COX11: variants seen among roughly 807,000 people sequenced by gnomAD.
The protein encoded by COX11 is cytochrome c oxidase copper chaperone COX11.
Under a neutral mutation model 29.4 loss-of-function variants are expected in COX11, and 18 were observed. That is an observed-to-expected ratio of 0.61 (90% CI 0.42 to 0.91). COX11 has a LOEUF of 0.91. COX11 is among the 40% of genes least tolerant of loss of function. The probability of loss-of-function intolerance (pLI) is 0.00; values close to 1 mark genes in which losing one functional copy is unlikely to be tolerated. For synonymous variants in COX11, 131 were observed against 124.0 expected (o/e 1.06, Z -0.38); for missense variants, 312 against 346.0 (o/e 0.90, Z 0.78).
intron 2 of COX11, 110 bp from the exon 3 acceptor site, chr17:54,963,541 A>C: frequency 1.9e-6 from 2 of 1,055,676 alleles, no homozygotes; most frequent in Non-Finnish European, 2.7e-6. Flanking sequence ...ATAATACCTA[A>C]TCTAATGTAG....
chr17:54,963,929 T>C (rs2077175426), intron 2 of COX11, among the ~76,000 whole-genome samples: 1 of 152,122 alleles, frequency 6.6e-6, no homozygotes, highest in Admixed American at 6.5e-5. Context: ...TTAAAAAAAT[T>C]TTCCAAAGGA....
rs2077224927 is a variant in COX11, at chr17:54,966,834, CAGAAA to C, written c.366+1442_366+1446del. Among the ~76,000 whole-genome samples the C allele has an allele frequency of 3.3e-5, 5 of 152,208 alleles. No individual in the cohort carries two copies. The East Asian group carries it at 7.7e-4, about 24-fold the overall frequency. On this transcript the variant is annotated intron_variant, in intron 1 of 3. Coordinates refer to ENST00000299335, the MANE Select transcript of COX11 (RefSeq NM_004375.5). ...AAATGCTGGCATTAGGAGACTATGC[CAGAAA>C]AGAAAAGTCCTTTTGTCTTCTGCTT... is the stretch of plus-strand genomic sequence containing the variant.
At chr17:54,956,060 T>C (rs1194527436), downstream of COX11, among the ~76,000 whole-genome samples, 2 of 152,028 alleles carry the variant, frequency 1.3e-5, no homozygotes, top group Non-Finnish European at 2.9e-5. Context: ...CAACCCTGGG[T>C]CTCATCTGGG....
chr17:54,968,551 T>TA lies in COX11; in HGVS notation c.95dup (p.Glu33ArgfsTer5). On this transcript the variant is annotated frameshift_variant, in exon 1 of 4. Coordinates refer to ENST00000299335, the MANE Select transcript of COX11 (RefSeq NM_004375.5). LOFTEE classifies it high-confidence loss of function. ...TCCACTCTGGCCTAAGAAACGGCTC[T>TA]ACCCTCTCTGCAGCCCTGGTTGGAG... The TA allele has an allele frequency of 6.2e-7, 1 of 1,613,088 alleles. No homozygotes were observed. Among genetic ancestry groups the TA allele is most frequent in the Non-Finnish European group, 8.5e-7 (1 of 1,179,994 alleles).
At chr17:54,952,306 C>T (rs981826716) in exon 1 of COX11, 3 of 152,108 alleles carry the variant, frequency 2.0e-5, no homozygotes, top group African/African-American at 7.2e-5. Context: ...GTAATCCCAG[C>T]ACTTTGCGAG....
At chr17:54,955,284 TGAA>T (rs756317618), upstream of COX11, 2 of 152,220 alleles carry the variant, frequency 1.3e-5, no homozygotes. Flanking sequence ...ATGGAGACAA[TGAA>T]GTAGTTCTGG....
At position 54,964,760 on chromosome 17, in the gene COX11, G is replaced by C. The variant is rs2077188619; in HGVS notation, c.459C>G (p.Ser153Arg). The C allele has an allele frequency of 1.9e-6, 3 of 1,613,732 alleles. No individual in the cohort carries two copies. The highest frequency in any genetic ancestry group is 8.5e-7 in the Non-Finnish European group (1 of 1,179,708). Residue 153 changes from serine to arginine, a missense_variant, in exon 2 of 4, where the codon AGC becomes AGG. Physicochemically the swap from Ser to Arg is moderately radical, Grantham distance 110. Coordinates refer to ENST00000299335, the MANE Select transcript of COX11 (RefSeq NM_004375.5). ...VPVKDRIIKI[S>R]FNADVHASLQ... is the part of the protein sequence containing the mutation. Reference sequence around the variant, plus strand: ...GACTTGCATGCACATCTGCATTAAAGCTAATTTTAATGATTCGATCTTTAA... The same window carrying C: ...GACTTGCATGCACATCTGCATTAAACCTAATTTTAATGATTCGATCTTTAA...
At chr17:54,966,497 G>A (rs145636261) in intron 1 of COX11, among the ~76,000 whole-genome samples, 2 of 152,088 alleles carry the variant, frequency 1.3e-5, no homozygotes, top group Non-Finnish European at 2.9e-5. Context: ...TTGTTGTTTG[G>A]GGGTGAGGCA....
In COX11 at chr17:54,967,034, GCGCGCGCGCACA is replaced by G. The variant is rs1567858793; in HGVS notation, c.366+1235_366+1246del. ...TACAAATTTAAATAAATAAACGTGC[GCGCGCGCGCACA>G]CACACACACACACACACACACACAC... On this transcript the variant is annotated intron_variant, in intron 1 of 3. Transcript: ENST00000299335. 8.3e-3 allele frequency among the ~76,000 whole-genome samples: 846 copies of G among 102,408 alleles called. 6 individuals carry two copies. Among genetic ancestry groups the G allele is most frequent in the African/African-American group, 0.03 (571 of 19,342 alleles). The allele number at this position is 102,408 out of a possible 152,430, so 67.2% of individuals were successfully genotyped here.
rs2077122814 is a variant in COX11 at position 54,961,440 on chromosome 17, T to C, written c.*1293A>G. ...CAACAGCGTGAGATTTCAACAGAAC[T>C]TGTTTGGAACAAATACTCACTTAAA... On this transcript the variant is annotated 3_prime_UTR_variant, in exon 4 of 4. Coordinates refer to ENST00000299335, the MANE Select transcript of COX11 (RefSeq NM_004375.5). 12 of 1,502,632 alleles carry C rather than the reference T, an allele frequency of 8.0e-6. No homozygotes were observed. Among genetic ancestry groups the C allele is most frequent in the Non-Finnish European group, 9.8e-6 (11 of 1,127,014 alleles). 93.1% of individuals were successfully genotyped at this position (1,502,632 alleles called of 1,614,324 possible).
At chr17:54,967,901 G>C (rs933025631) in intron 1 of COX11, among the ~76,000 whole-genome samples, 1 of 151,822 alleles carries the variant, frequency 6.6e-6, no homozygotes, top group African/African-American at 2.4e-5. Flanking sequence ...ACCACATGTG[G>C]TTTGCAGAGT....
upstream of COX11, chr17:54,968,659 T>A: frequency 6.3e-7 from 1 of 1,595,458 alleles, no homozygotes; most frequent in Non-Finnish European, 8.5e-7. Context: ...CCCTCTGAAC[T>A]AACACCCACC....
rs2077189505 is a variant in COX11 at position 54,964,788 on chromosome 17, G to A, written c.431C>T (p.Pro144Leu). 2 of 1,613,630 alleles carry A rather than the reference G, an allele frequency of 1.2e-6. No individual in the cohort carries two copies. Among genetic ancestry groups the A allele is most frequent in the African/African-American group, 1.3e-5 (1 of 74,872 alleles). The change falls in exon 2 of 4, where the codon CCT (proline) becomes CTT (leucine). Residue 144 changes from proline to leucine, a missense_variant. This residue lies in a region of COX11 where 182 missense variants were observed against 240.0 expected (regional missense o/e 0.76). Transcript: ENST00000299335. ...HASDKIENMV[P>L]VKDRIIKISF... ...AATTTTAATGATTCGATCTTTAACAGGCACCATGTTTTCAATCTTGTCTGA... is the reference window on the plus strand; with the variant it reads ...AATTTTAATGATTCGATCTTTAACAAGCACCATGTTTTCAATCTTGTCTGA...
At position 54,961,668 on chromosome 17, in the gene COX11, C is replaced by T; in HGVS notation, c.*1065G>A. The T allele has an allele frequency of 9.4e-7, 1 of 1,058,558 alleles. No homozygotes were observed. Among genetic ancestry groups the T allele is most frequent in the Non-Finnish European group, 1.1e-6 (1 of 876,470 alleles). The allele number at this position is 1,058,558 out of a possible 1,614,324, so 65.6% of individuals were successfully genotyped here. A position where few individuals can be genotyped will look rare whatever the true frequency, so the allele number is the denominator to read the frequency against. ...ATTCAGGAAGAATACTGAGTGCCTT[C>T]ATTTAACTAAAGTTGAATGTAAAAG... is the stretch of plus-strand genomic sequence containing the variant. On this transcript the variant is annotated 3_prime_UTR_variant, in exon 4 of 4. Coordinates refer to ENST00000299335, the MANE Select transcript of COX11 (RefSeq NM_004375.5).
At chr17:54,956,283 T>G (rs995413922), downstream of COX11, among the ~76,000 whole-genome samples, 15 of 152,046 alleles carry the variant, frequency 9.9e-5, no homozygotes, top group Non-Finnish European at 2.2e-4. Flanking sequence ...TAGCTGAGAC[T>G]ATTGGGGTGT....
At chr17:54,955,574 C>G (rs2049458308), downstream of COX11, among the ~76,000 whole-genome samples, 1 of 152,142 alleles carries the variant, frequency 6.6e-6, no homozygotes, top group Non-Finnish European at 1.5e-5. Context: ...AGGCCACAGA[C>G]AAGTAAGAAT....
chr17:54,958,241 C>T (rs12951898), downstream of COX11: 76,504 of 152,012 alleles, frequency 0.5, 19,860 homozygotes, highest in Non-Finnish European at 0.56. Flanking sequence ...AGAACAGTGC[C>T]AGGGGCAGAC....
downstream of COX11, chr17:54,957,267 T>A (rs17817877): frequency 0.21 from 31,229 of 152,198 alleles, 3,794 homozygotes; most frequent in Non-Finnish European, 0.27. Context: ...GAGCAGATGT[T>A]AAGGGACTTA....
downstream of COX11, chr17:54,957,289 T>C (rs1012923449): frequency 1.3e-5 from 2 of 152,248 alleles, no homozygotes; most frequent in Non-Finnish European, 2.9e-5. Context: ...GAGTCCACTA[T>C]GTATTTTTTC....
Sources: allele counts gnomAD v4.1 joint callset (sites outside exome capture counted in the v4.1 genomes callset), GRCh38; gene constraint gnomAD v4.1.1; regional missense constraint gnomAD v4.1.1; transcripts MANE v1.5; gene names NCBI Gene and HGNC (gene_info 2026-07-23, HGNC 2026-07-21).